The following GABRG3 variants were observed in gnomAD, a reference collection of about 807,000 sequenced individuals.
GABRG3 encodes the protein gamma-aminobutyric acid type A receptor subunit gamma3.
Under a neutral mutation model 48.8 loss-of-function variants are expected in GABRG3, and 25 were observed. The observed-to-expected ratio is 0.51, with a 90% CI of 0.37 to 0.72. GABRG3 has a LOEUF of 0.72. GABRG3 is among the 30% of genes least tolerant of loss of function. The pLI is 0.00. For synonymous variants in GABRG3, 227 were observed against 217.6 expected (o/e 1.04, Z -0.38); for missense variants, 394 against 577.9 (o/e 0.68, Z 3.26).
Position 27,225,608 on chromosome 15 carries a change from G to GGGATGA in GABRG3, c.271-101200_271-101195dup, listed in dbSNP as rs1386926179. ...GCTTCCCACCTGCCTTCCACCCAGA[G>GGGATGA]GGATGAAGAGGCAAGCATGGAATCC... On this transcript the variant is annotated intron_variant, in intron 3 of 9. Transcript: ENST00000615808. Among the ~76,000 whole-genome samples, 10 of 152,222 alleles carry GGGATGA rather than the reference G, an allele frequency of 6.6e-5. 1 individual carries two copies. The highest frequency in any genetic ancestry group is 2.2e-4 in the African/African-American group (9 of 41,498).
intron 5 of GABRG3, among the ~76,000 whole-genome samples, chr15:27,454,074 C>A (rs891275348): frequency 1.3e-5 from 2 of 152,252 alleles, no homozygotes; most frequent in African/African-American, 4.8e-5. Flanking sequence ...AGCTGCCACA[C>A]TGAGCAGGCT....
chr15:27,182,002 T>G (rs1414595336), intron 3 of GABRG3, among the ~76,000 whole-genome samples: 1 of 149,370 alleles, frequency 6.7e-6, no homozygotes, highest in Non-Finnish European at 1.5e-5. Flanking sequence ...AATAATATTA[T>G]AATAATATAA....
intron 5 of GABRG3, among the ~76,000 whole-genome samples, chr15:27,398,490 C>T (rs1402272478): frequency 6.6e-6 from 1 of 151,976 alleles, no homozygotes; most frequent in Non-Finnish European, 1.5e-5. Flanking sequence ...GTGAAAAGTC[C>T]TTTGAAGAAA....
intron 5 of GABRG3, among the ~76,000 whole-genome samples, chr15:27,463,455 G>C (rs1189590455): frequency 1.3e-5 from 2 of 152,164 alleles, no homozygotes; most frequent in African/African-American, 4.8e-5. Context: ...CCGAAGTGTG[G>C]ATCTTTAACA....
intron 3 of GABRG3, among the ~76,000 whole-genome samples, chr15:27,137,810 TC>T (rs1364181696): frequency 1.3e-5 from 2 of 152,154 alleles, no homozygotes; most frequent in East Asian, 3.9e-4. Context: ...TTCTTGTCTT[TC>T]TCCCCTTTCC....
intron 3 of GABRG3, among the ~76,000 whole-genome samples, chr15:27,078,928 A>G (rs1368023): frequency 0.023 from 3,553 of 152,284 alleles, 122 homozygotes; most frequent in African/African-American, 0.068. Context: ...TGGGGCCTTA[A>G]TCCATTGTAA....
intron 6 of GABRG3, among the ~76,000 whole-genome samples, chr15:27,510,120 C>T (rs910453028): frequency 3.3e-5 from 5 of 152,116 alleles, no homozygotes; most frequent in Admixed American, 3.3e-4. Context: ...TGCACTTTTC[C>T]CAGGGAACAT....
At chr15:27,000,480 G>A (rs753788315) in intron 2 of GABRG3, among the ~76,000 whole-genome samples, 15 of 152,158 alleles carry the variant, frequency 9.9e-5, no homozygotes, top group Non-Finnish European at 1.5e-4. Flanking sequence ...ATATTCAATT[G>A]TAATTCCCAG....
At chr15:27,270,774 GT>G (rs1891058390) in intron 3 of GABRG3, among the ~76,000 whole-genome samples, 1 of 152,140 alleles carries the variant, frequency 6.6e-6, no homozygotes, top group African/African-American at 2.4e-5. Context: ...GATAGATATG[GT>G]CACGATCCTG....
At chr15:27,215,958 TG>T (rs1889233183) in intron 3 of GABRG3, among the ~76,000 whole-genome samples, 1 of 152,242 alleles carries the variant, frequency 6.6e-6, no homozygotes, top group Non-Finnish European at 1.5e-5. Context: ...CTGTGCTTGC[TG>T]GCCCAGAAGA....
intron 6 of GABRG3, among the ~76,000 whole-genome samples, chr15:27,483,554 G>T (rs1418016262): frequency 6.6e-6 from 1 of 152,232 alleles, no homozygotes; most frequent in East Asian, 1.9e-4. Context: ...TTAGCACTTT[G>T]TGAGGAGTGG....
At chr15:27,307,751 ATAAACATATAAAATAAACATATG>A (rs1482307484) in intron 3 of GABRG3, among the ~76,000 whole-genome samples, 3 of 126,184 alleles carry the variant, frequency 2.4e-5, no homozygotes, top group African/African-American at 9.7e-5. Context: ...AGGTTTATAT[ATAAACATATAAAATAAACATATG>A]TTTATATATA....
chr15:27,213,000 C>T (rs905379368), intron 3 of GABRG3, among the ~76,000 whole-genome samples: 2 of 152,224 alleles, frequency 1.3e-5, no homozygotes, highest in Non-Finnish European at 1.5e-5. Context: ...CCAATGTCTC[C>T]TGGCCATTCA....
intron 5 of GABRG3, among the ~76,000 whole-genome samples, chr15:27,476,625 T>C (rs1417505224): frequency 6.6e-6 from 1 of 151,940 alleles, no homozygotes; most frequent in East Asian, 1.9e-4. Context: ...GATTATCCAG[T>C]GAGTGGAACA....
intron 3 of GABRG3, among the ~76,000 whole-genome samples, chr15:27,279,742 A>G (rs1021818546): frequency 9.2e-5 from 14 of 151,906 alleles, no homozygotes; most frequent in African/African-American, 3.4e-4. Flanking sequence ...TTTTTTAGCT[A>G]CTCTGATTTC....
At chr15:27,255,670 T>G (rs529455341) in intron 3 of GABRG3, among the ~76,000 whole-genome samples, 4 of 152,290 alleles carry the variant, frequency 2.6e-5, no homozygotes, top group Non-Finnish European at 5.9e-5. Flanking sequence ...AGGAAGCACC[T>G]TATGTATTTT....
chr15:27,016,588 TA>T (rs1282676000), intron 2 of GABRG3, among the ~76,000 whole-genome samples: 5 of 152,268 alleles, frequency 3.3e-5, no homozygotes, highest in African/African-American at 1.2e-4. Flanking sequence ...TAGATCTCTT[TA>T]TTTTTATTCT....
intron 5 of GABRG3, among the ~76,000 whole-genome samples, chr15:27,470,634 C>G (rs1189187956): frequency 6.8e-6 from 1 of 146,614 alleles, no homozygotes; most frequent in Non-Finnish European, 1.5e-5. Context: ...TCTTATTTTT[C>G]TTGTGCCTAT....
chr15:27,190,161 C>G (rs550385596), intron 3 of GABRG3, among the ~76,000 whole-genome samples: 1 of 152,318 alleles, frequency 6.6e-6, no homozygotes, highest in East Asian at 1.9e-4. Context: ...CATCAATGTT[C>G]ATCAAGGATA....
Sources: allele counts gnomAD v4.1 joint callset (sites outside exome capture counted in the v4.1 genomes callset), GRCh38; gene constraint gnomAD v4.1.1; transcripts MANE v1.5; gene names NCBI Gene and HGNC (gene_info 2026-07-23, HGNC 2026-07-21).